PIK3R6: variants seen among roughly 807,000 people sequenced by gnomAD.
The protein encoded by PIK3R6 is phosphoinositide-3-kinase regulatory subunit 6.
In PIK3R6, 91 loss-of-function variants were observed where a neutral mutation model predicts 84.9. The observed-to-expected ratio is 1.07, with a 90% CI of 0.90 to 1.28. The LOEUF (loss-of-function observed/expected upper bound fraction) is 1.28, where lower values mean the gene tolerates loss of function less well. Among genes scored for constraint, PIK3R6 ranks in the 50% most tolerant of loss-of-function variants. PIK3R6 has a pLI of 0.00. For missense variants in PIK3R6, 996 were observed against 985.1 expected, an observed-to-expected ratio of 1.01 and a Z score of -0.15; for synonymous variants, 416 against 411.4, an observed-to-expected ratio of 1.01 and a Z score of -0.13.
intron 10 of PIK3R6, among the ~76,000 whole-genome samples, 191 bp downstream of exon 10, chr17:8,829,515 C>CAT (rs568988786): frequency 0.032 from 3,853 of 119,616 alleles, 291 homozygotes; most frequent in East Asian, 0.3. Flanking sequence ...CACACTCATG[C>CAT]ATACACACAC....
intron 2 of PIK3R6, among the ~76,000 whole-genome samples, chr17:8,846,055 T>A (rs1357220738): frequency 6.6e-6 from 1 of 152,266 alleles, no homozygotes; most frequent in East Asian, 1.9e-4. Context: ...AAAAGATTGA[T>A]GTCTAGAATG....
intron 1 of PIK3R6, among the ~76,000 whole-genome samples, chr17:8,860,901 C>T (rs1567616755): frequency 7.5e-6 from 1 of 133,588 alleles, no homozygotes. Flanking sequence ...ACCTATTGGG[C>T]TCTTGAAAGC....
Position 8,862,506 on chromosome 17 carries a change from A to G in PIK3R6, c.-92+5023T>C, listed in dbSNP as rs1024897167. Among the ~76,000 whole-genome samples, 1 of 152,184 alleles carries G rather than the reference A, an allele frequency of 6.6e-6. No individual in the cohort carries two copies. The highest frequency in any genetic ancestry group is 1.5e-5 in the Non-Finnish European group (1 of 68,030). On this transcript the variant is annotated intron_variant, in intron 1 of 19. Coordinates refer to ENST00000619866, the MANE Select transcript of PIK3R6 (RefSeq NM_001010855.4). The surrounding 1 kb of genome is among the most constrained non-coding windows in gnomAD (Gnocchi z 4.3). The stretch of plus-strand genomic sequence containing the variant: ...GGTCCCATAAGAAATGTGGAGACAG[A>G]CACAATGGTGAGAAGGACATTGTGC...
intron 1 of PIK3R6, among the ~76,000 whole-genome samples, chr17:8,864,417 G>A (rs2089354314): frequency 6.6e-6 from 1 of 151,292 alleles, no homozygotes; most frequent in Non-Finnish European, 1.5e-5. Context: ...TGACTCTGGA[G>A]TCTCATGTCT....
intron 1 of PIK3R6, among the ~76,000 whole-genome samples, chr17:8,863,037 T>C (rs963783592): frequency 7.2e-5 from 11 of 152,132 alleles, no homozygotes; most frequent in Non-Finnish European, 8.8e-5. Flanking sequence ...CTCAGAAAGT[T>C]TGCACTCTAG....
At chr17:8,828,271 T>G in intron 11 of PIK3R6, 81 bp from the exon 12 acceptor site, 1 of 1,435,560 alleles carries the variant, frequency 7.0e-7, no homozygotes, top group Non-Finnish European at 9.8e-7. Flanking sequence ...TTGTTATCTC[T>G]TGACCTTGGG....
intron 2 of PIK3R6, among the ~76,000 whole-genome samples, chr17:8,840,108 A>AAT (rs1201573894): frequency 6.6e-6 from 1 of 150,986 alleles, no homozygotes; most frequent in Non-Finnish European, 1.5e-5. Context: ...ATGTATATGA[A>AAT]ATATATAGCC....
At chr17:8,806,488 C>A (rs928493496) in intron 18 of PIK3R6, among the ~76,000 whole-genome samples, 8 of 152,152 alleles carry the variant, frequency 5.3e-5, no homozygotes, top group African/African-American at 1.9e-4. Flanking sequence ...TTGTGGTCTG[C>A]ACACCTAGAC....
chr17:8,829,967 T>C (rs2088177350), intron 9 of PIK3R6, among the ~76,000 whole-genome samples, 175 bp from the exon 10 acceptor site: 1 of 152,196 alleles, frequency 6.6e-6, no homozygotes, highest in South Asian at 2.1e-4. Flanking sequence ...GGCCCAACAG[T>C]GCAGCTGTCC....
intron 1 of PIK3R6, among the ~76,000 whole-genome samples, chr17:8,855,170 G>A (rs2095402235): frequency 6.6e-6 from 1 of 151,394 alleles, no homozygotes; most frequent in African/African-American, 2.4e-5. Context: ...TCTAGCCTGG[G>A]TGACAGAGCG....
chr17:8,833,529 C>A (rs908375101), intron 8 of PIK3R6, among the ~76,000 whole-genome samples: 1 of 149,522 alleles, frequency 6.7e-6, no homozygotes, highest in Non-Finnish European at 1.5e-5. Flanking sequence ...GAAGCCCCCC[C>A]TGAGAAAGTG....
Position 8,802,765 on chromosome 17 carries a change from G to A in PIK3R6, c.*508C>T, listed in dbSNP as rs750113077. The A allele has an allele frequency of 6.2e-6, 1 of 160,726 alleles. No homozygotes were observed. The highest frequency in any genetic ancestry group is 1.4e-5 in the Non-Finnish European group (1 of 73,022). 10.0% of individuals were successfully genotyped at this position (160,726 alleles called of 1,614,324 possible). ...ACTTCAGTGTACATTTATTGAGTCT[G>A]ACATTTTTCTCTCACCTGATAGAGA... On this transcript the variant is annotated 3_prime_UTR_variant, in exon 20 of 20. Transcript: ENST00000619866.
rs1265765950 is a variant in PIK3R6, at chr17:8,838,665, G to A, written c.98-10C>T. On this transcript the variant is annotated splice_polypyrimidine_tract_variant and intron_variant, in intron 3 of 19. Coordinates refer to ENST00000619866, the MANE Select transcript of PIK3R6 (RefSeq NM_001010855.4). ...GACCACCTCCACATGCCTGGGCCAG[G>A]AGAAAGGGGAGCCCGGCATGAGCAG... 1.3e-6 allele frequency: 2 copies of A among 1,586,246 alleles called. No homozygotes were observed. Among genetic ancestry groups the A allele is most frequent in the South Asian group, 2.3e-5 (2 of 86,806 alleles).
intron 13 of PIK3R6, among the ~76,000 whole-genome samples, chr17:8,825,405 T>A (rs1020199944): frequency 6.6e-6 from 1 of 152,242 alleles, no homozygotes; most frequent in African/African-American, 2.4e-5. Context: ...CAGGCTTCTA[T>A]AGCCAGATAT....
chr17:8,863,969 T>C (rs752312441), intron 1 of PIK3R6, among the ~76,000 whole-genome samples: 2 of 152,148 alleles, frequency 1.3e-5, no homozygotes, highest in Non-Finnish European at 2.9e-5. Context: ...AAGTCCTGAG[T>C]TGCAAGGGTG....
rs1177013234 is a variant in PIK3R6 at position 8,803,236 on chromosome 17, G to C, written c.*37C>G. On this transcript the variant is annotated 3_prime_UTR_variant, in exon 20 of 20. Coordinates refer to ENST00000619866, the MANE Select transcript of PIK3R6 (RefSeq NM_001010855.4). This position sits in a 1 kb window ranked among gnomAD's most constrained non-coding sequence, Gnocchi z 5.0. Reference sequence around the variant, plus strand: ...GTGAGTGTTTGGAGTTGGTGGGGTAGTGTATCCTTCCTCCTGGGCCTGCTG... The same window carrying C: ...GTGAGTGTTTGGAGTTGGTGGGGTACTGTATCCTTCCTCCTGGGCCTGCTG... The C allele has an allele frequency of 1.2e-6, 2 of 1,610,214 alleles. No individual in the cohort carries two copies. Among genetic ancestry groups the C allele is most frequent in the Non-Finnish European group, 1.7e-6 (2 of 1,178,670 alleles).
rs1461123140 is a variant in PIK3R6 at position 8,832,772 on chromosome 17, AGTC to A, written c.802+114_802+116del. 4 of 1,482,552 alleles carry A rather than the reference AGTC, an allele frequency of 2.7e-6. No homozygotes were observed. In the East Asian group the frequency reaches 9.2e-5, roughly 34 times the overall value. 91.8% of individuals were successfully genotyped at this position (1,482,552 alleles called of 1,614,324 possible). ...TGCCCCCAGTCCCCAGGCTCCTGGG[AGTC>A]GGCCAGGCACCCAGACAGAGGCAGG... On this transcript the variant is annotated intron_variant, in intron 9 of 19. Transcript: ENST00000619866.
chr17:8,808,507 T>C (rs1005838582), intron 18 of PIK3R6, among the ~76,000 whole-genome samples: 5 of 152,202 alleles, frequency 3.3e-5, no homozygotes, highest in East Asian at 1.9e-4. Context: ...AACTGGTAAA[T>C]GGCAGAGGCA....
At position 8,819,076 on chromosome 17, in the gene PIK3R6, T is replaced by G; in HGVS notation, c.1995+7A>C. 6.3e-7 allele frequency: 1 copy of G among 1,583,824 alleles called. No homozygotes were observed. Among genetic ancestry groups the G allele is most frequent in the Non-Finnish European group, 8.6e-7 (1 of 1,161,764 alleles). ...TGTCTCCCTTTCCCAGTCTACTCAG[T>G]ACTTACAGAGAAGGACTTTCCCGCC... On this transcript the variant is annotated splice_region_variant and intron_variant, in intron 18 of 19. Transcript: ENST00000619866.
Sources: gnomAD v4.1 joint callset for allele counts (sites outside exome capture counted in the v4.1 genomes callset) on GRCh38, gnomAD v4.1.1 for gene constraint, Gnocchi (gnomAD v3.1) non-coding constraint, MANE v1.5 for transcripts, NCBI Gene and HGNC (gene_info 2026-07-23, HGNC 2026-07-21) for gene names.